The following IGFBP2 variants were observed in gnomAD, a reference collection of about 807,000 sequenced individuals.
IGFBP2 encodes insulin like growth factor binding protein 2.
In IGFBP2, 12 loss-of-function variants were observed where a neutral mutation model predicts 26.2. That is an observed-to-expected ratio of 0.46 (90% CI 0.29 to 0.74). The LOEUF is 0.74. Among genes scored for constraint, IGFBP2 ranks in the 30% least tolerant of loss-of-function variants. The probability of loss-of-function intolerance (pLI) is 0.09; values close to 1 mark genes in which losing one functional copy is unlikely to be tolerated. For synonymous variants in IGFBP2, 189 were observed against 200.6 expected (o/e 0.94, Z 0.49); for missense variants, 328 against 441.2 (o/e 0.74, Z 2.30).
intron 3 of IGFBP2, chr2:216,662,269 G>C: frequency 2.0e-6 from 1 of 502,490 alleles, no homozygotes; most frequent in South Asian, 2.2e-5. Context: ...GGCTCTTGGA[G>C]AAGGGAAGTG....
chr2:216,644,341 A>G (rs1559176076), intron 1 of IGFBP2, among the ~76,000 whole-genome samples: 1 of 152,098 alleles, frequency 6.6e-6, no homozygotes, highest in Non-Finnish European at 1.5e-5. Context: ...ATTCGTCCAT[A>G]GGCCCTGGTG....
chr2:216,635,474 G>A (rs1697477616), intron 1 of IGFBP2, among the ~76,000 whole-genome samples: 1 of 152,152 alleles, frequency 6.6e-6, no homozygotes, highest in Admixed American at 6.5e-5. Flanking sequence ...TGCAGTTTCT[G>A]AGCTGAACTC....
At chr2:216,654,158 T>C (rs1697876220) in intron 1 of IGFBP2, among the ~76,000 whole-genome samples, 1 of 152,204 alleles carries the variant, frequency 6.6e-6, no homozygotes, top group African/African-American at 2.4e-5. Context: ...AATGTTTTCC[T>C]GTGGATTGTT....
chr2:216,664,101 G>A lies in IGFBP2; in HGVS notation c.975G>A (p.Gln325=), dbSNP rs1169256021. The A allele has an allele frequency of 1.3e-6, 2 of 1,595,288 alleles. No homozygotes were observed. Among genetic ancestry groups the A allele is most frequent in the Non-Finnish European group, 1.7e-6 (2 of 1,169,686 alleles). The change falls in exon 4 of 4, where the codon CAG becomes CAA. Residue 325 remains glutamine, a synonymous_variant. Transcript: ENST00000233809. The surrounding 1 kb of genome is among the most constrained non-coding windows in gnomAD (Gnocchi z 4.6). ...EARGVHTQRM[Q] The stretch of plus-strand genomic sequence containing the variant: ...GCGGGGTGCACACCCAGCGGATGCA[G>A]TAGACCGCAGCCAGCCGGTGCCTGG...
At chr2:216,635,686 T>C (rs997216043) in intron 1 of IGFBP2, among the ~76,000 whole-genome samples, 1 of 152,042 alleles carries the variant, frequency 6.6e-6, no homozygotes, top group Non-Finnish European at 1.5e-5. Flanking sequence ...CTGAAGCCGG[T>C]TAGGGTCTTT....
chr2:216,650,918 A>G (rs1697807493), intron 1 of IGFBP2, among the ~76,000 whole-genome samples: 1 of 152,130 alleles, frequency 6.6e-6, no homozygotes, highest in Admixed American at 6.6e-5. Context: ...GTGAGAAGGA[A>G]TAGGAAGGGA....
chr2:216,663,912 C>T lies in IGFBP2; in HGVS notation c.814-28C>T, dbSNP rs375018779. ...GAAGGAAAGTTGCTGGCTGCGGGCT[C>T]CTCCATGCTCTTCTCCTCTCTCCCC... On this transcript the variant is annotated intron_variant, in intron 3 of 3. Transcript: ENST00000233809. 53 of 1,603,456 alleles carry T rather than the reference C, an allele frequency of 3.3e-5. 1 individual carries two copies. The South Asian group carries it at 4.6e-4, about 14-fold the overall frequency.
intron 1 of IGFBP2, among the ~76,000 whole-genome samples, chr2:216,654,415 A>G (rs549119441): frequency 4.0e-4 from 61 of 152,356 alleles, no homozygotes; most frequent in African/African-American, 1.1e-3. Flanking sequence ...CAGATGAACA[A>G]TGGAAGCACA....
At chr2:216,638,679 A>G (rs1390159076) in intron 1 of IGFBP2, among the ~76,000 whole-genome samples, 3 of 151,946 alleles carry the variant, frequency 2.0e-5, no homozygotes, top group African/African-American at 7.2e-5. Flanking sequence ...ACACCCATAG[A>G]AAATGGGAGG....
Position 216,664,038 on chromosome 2 carries a change from C to T in IGFBP2, c.912C>T (p.Pro304=), listed in dbSNP as rs377364705. The T allele has an allele frequency of 4.2e-5, 67 of 1,613,952 alleles. No individual in the cohort carries two copies. In the East Asian group the frequency reaches 6.9e-4, roughly 17 times the overall value. Residue 304 remains proline (P), a synonymous_variant, in exon 4 of 4, where the codon CCC becomes CCT. Coordinates refer to ENST00000233809, the MANE Select transcript of IGFBP2 (RefSeq NM_000597.3). The surrounding 1 kb of genome is among the most constrained non-coding windows in gnomAD (Gnocchi z 4.6). Reference sequence around the variant, plus strand: ...GAGCCCCCACCATCCGGGGGGACCCCGAGTGTCATCTCTTCTACAATGAGC... The same window carrying T: ...GAGCCCCCACCATCCGGGGGGACCCTGAGTGTCATCTCTTCTACAATGAGC... ...IQGAPTIRGD[P]ECHLFYNEQQ... is the part of the protein sequence containing the mutation.
chr2:216,647,134 A>G (rs1697726143), intron 1 of IGFBP2, among the ~76,000 whole-genome samples: 1 of 152,240 alleles, frequency 6.6e-6, no homozygotes, highest in South Asian at 2.1e-4. Context: ...TCTCTTGGGA[A>G]GAGCTTGATG....
At chr2:216,653,811 G>A (rs1697870405) in intron 1 of IGFBP2, among the ~76,000 whole-genome samples, 1 of 152,110 alleles carries the variant, frequency 6.6e-6, no homozygotes, top group South Asian at 2.1e-4. Flanking sequence ...CCTTCTATAT[G>A]TGAAATCCCT....
At chr2:216,658,995 A>C (rs1697975429) in intron 1 of IGFBP2, among the ~76,000 whole-genome samples, 1 of 152,234 alleles carries the variant, frequency 6.6e-6, no homozygotes, top group African/African-American at 2.4e-5. Context: ...GCTGATATAG[A>C]AAATGGCAGA....
Position 216,664,137 on chromosome 2 carries a change from C to T in IGFBP2, c.*33C>T. The T allele has an allele frequency of 1.3e-6, 2 of 1,505,320 alleles. No homozygotes were observed. Among genetic ancestry groups the T allele is most frequent in the Non-Finnish European group, 1.8e-6 (2 of 1,120,696 alleles). 93.2% of individuals were successfully genotyped at this position (1,505,320 alleles called of 1,614,324 possible). ...CCAGCCGGTGCCTGGCGCCCCTGCC[C>T]CCCGCCCCTCTCCAAACACCGGCAG... is the stretch of plus-strand genomic sequence containing the variant. On this transcript the variant is annotated 3_prime_UTR_variant, in exon 4 of 4. Coordinates refer to ENST00000233809, the MANE Select transcript of IGFBP2 (RefSeq NM_000597.3). The surrounding 1 kb of genome is among the most constrained non-coding windows in gnomAD (Gnocchi z 4.6).
In IGFBP2 at chr2:216,642,445, T is replaced by C. The variant is rs200230867; in HGVS notation, c.442+8480T>C. On this transcript the variant is annotated intron_variant, in intron 1 of 3. Coordinates refer to ENST00000233809, the MANE Select transcript of IGFBP2 (RefSeq NM_000597.3). ...CCTCAGCCTCCCCAGCAGCTGGGACTACAGGCGCACGCCGCCACGCTCGGC... is the reference window on the plus strand; with the variant it reads ...CCTCAGCCTCCCCAGCAGCTGGGACCACAGGCGCACGCCGCCACGCTCGGC... Among the ~76,000 whole-genome samples, 3 of 151,316 alleles carry C rather than the reference T, an allele frequency of 2.0e-5. No individual in the cohort carries two copies. In the East Asian group the frequency reaches 5.9e-4, roughly 30 times the overall value.
rs9341137 is a variant in IGFBP2 at position 216,643,491 on chromosome 2, G to A, written c.442+9526G>A. On this transcript the variant is annotated intron_variant, in intron 1 of 3. Transcript: ENST00000233809. The stretch of plus-strand genomic sequence containing the variant: ...CTTGAGTCTCTGAGGGTCAGAATAC[G>A]CTTATGGTGAAATCAGAACTGGGGA... Among the ~76,000 whole-genome samples the A allele has an allele frequency of 2.2e-4, 34 of 152,256 alleles. 1 individual carries two copies. The South Asian group carries it at 6.8e-3, about 31-fold the overall frequency.
chr2:216,633,988 G>A, intron 1 of IGFBP2, 23 bp downstream of exon 1: 1 of 1,576,800 alleles, frequency 6.3e-7, no homozygotes, highest in Non-Finnish European at 8.6e-7. Context: ...GGAACAAGTA[G>A]TTGGGAGAAA....
At chr2:216,640,977 G>A (rs1345949393) in intron 1 of IGFBP2, among the ~76,000 whole-genome samples, 2 of 152,304 alleles carry the variant, frequency 1.3e-5, no homozygotes, top group East Asian at 3.9e-4. Context: ...CTGGGTAGCA[G>A]ATGATGGTGC....
chr2:216,661,697 C>G, intron 2 of IGFBP2, 161 bp from the exon 3 acceptor site: 1 of 793,972 alleles, frequency 1.3e-6, no homozygotes. Context: ...GCAGGGAGAT[C>G]CCCGGGCAGG....
Sources: gnomAD v4.1 joint callset for allele counts (sites outside exome capture counted in the v4.1 genomes callset) on GRCh38, gnomAD v4.1.1 for gene constraint, Gnocchi (gnomAD v3.1) non-coding constraint, MANE v1.5 for transcripts, NCBI Gene and HGNC (gene_info 2026-07-23, HGNC 2026-07-21) for gene names.